SBF2: variants seen among roughly 807,000 people sequenced by gnomAD.
SBF2 encodes the protein myotubularin-related protein 13.
Under a neutral mutation model 225.2 loss-of-function variants are expected in SBF2, and 112 were observed. That is an observed-to-expected ratio of 0.50 (90% CI 0.43 to 0.58). SBF2 has a LOEUF of 0.58. SBF2 is among the 20% of genes least tolerant of loss of function. The pLI is 0.00. For synonymous variants in SBF2, 763 were observed against 773.3 expected, an observed-to-expected ratio of 0.99 and a Z score of 0.22; for missense variants, 1,996 against 2,206.2, an observed-to-expected ratio of 0.90 and a Z score of 1.91.
chr11:9,967,881 C>T (rs993327204), intron 14 of SBF2, among the ~76,000 whole-genome samples: 2 of 151,646 alleles, frequency 1.3e-5, no homozygotes, highest in Non-Finnish European at 2.9e-5. Context: ...CACCATTGTA[C>T]TCCAGCCTGG....
intron 29 of SBF2, among the ~76,000 whole-genome samples, chr11:9,813,490 G>A (rs1361674276): frequency 1.3e-5 from 2 of 152,198 alleles, no homozygotes; most frequent in East Asian, 3.9e-4. Context: ...ACCATACCCA[G>A]TTAATTTTTG....
At chr11:10,184,278 C>T (rs183561111) in intron 2 of SBF2, among the ~76,000 whole-genome samples, 257 of 152,224 alleles carry the variant, frequency 1.7e-3, no homozygotes, top group Non-Finnish European at 2.9e-3. Flanking sequence ...TAAGCTAATA[C>T]CATACTGTCT....
intron 16 of SBF2, among the ~76,000 whole-genome samples, chr11:9,939,393 G>T (rs989418525): frequency 2.0e-5 from 3 of 152,146 alleles, no homozygotes; most frequent in African/African-American, 7.2e-5. Flanking sequence ...ACTGCGCCCG[G>T]CCTAAACATG....
At position 9,972,300 on chromosome 11, in the gene SBF2, T is replaced by A. The variant is rs374011926; in HGVS notation, c.1396-3755A>T. 3.9e-5 allele frequency among the ~76,000 whole-genome samples: 6 copies of A among 152,288 alleles called. No homozygotes were observed. The East Asian group carries it at 1.2e-3, about 29-fold the overall frequency. Reference sequence around the variant, plus strand: ...ACCACCCCAGAATGAATCTAAAGGCTGTTTTCCAAAAATTTTGGCTACATT... The same window carrying A: ...ACCACCCCAGAATGAATCTAAAGGCAGTTTTCCAAAAATTTTGGCTACATT... On this transcript the variant is annotated intron_variant, in intron 13 of 39. Transcript: ENST00000256190.
intron 6 of SBF2, among the ~76,000 whole-genome samples, chr11:10,008,682 C>T (rs1948306148): frequency 6.6e-6 from 1 of 152,212 alleles, no homozygotes; most frequent in African/African-American, 2.4e-5. Context: ...GCCCCCTCCA[C>T]CACAAGCTTG....
At chr11:10,133,912 T>C (rs149266238) in intron 2 of SBF2, among the ~76,000 whole-genome samples, 9 of 152,354 alleles carry the variant, frequency 5.9e-5, no homozygotes, top group Admixed American at 2.0e-4. Flanking sequence ...TTGACCTTGG[T>C]TCCTGACACA....
At chr11:9,979,199 A>T (rs1346901790) in intron 13 of SBF2, among the ~76,000 whole-genome samples, 1 of 152,176 alleles carries the variant, frequency 6.6e-6, no homozygotes, top group Non-Finnish European at 1.5e-5. Flanking sequence ...GGATAATGAC[A>T]CCTGCCTTAC....
chr11:10,108,391 CAGA>C (rs1425999755), intron 2 of SBF2, among the ~76,000 whole-genome samples: 3 of 151,954 alleles, frequency 2.0e-5, no homozygotes, highest in Non-Finnish European at 4.4e-5. Context: ...AGCACTAATT[CAGA>C]GTTCCCTGTG....
intron 13 of SBF2, among the ~76,000 whole-genome samples, chr11:9,977,185 A>T (rs1946734184): frequency 6.6e-6 from 1 of 152,104 alleles, no homozygotes; most frequent in Non-Finnish European, 1.5e-5. Context: ...TTATATGTGC[A>T]TATCAAGAAT....
intron 2 of SBF2, among the ~76,000 whole-genome samples, chr11:10,185,651 G>A (rs942458557): frequency 2.6e-5 from 4 of 151,116 alleles, no homozygotes; most frequent in African/African-American, 9.7e-5. Flanking sequence ...AATAATAATG[G>A]GCATGCAATA....
chr11:9,787,641 G>A lies in SBF2; in HGVS notation c.5030C>T (p.Thr1677Ile), dbSNP rs760027294. Residue 1677 changes from threonine to isoleucine, a missense_variant, in exon 36 of 40, where the codon ACA (threonine) becomes ATA (isoleucine). Thr to Ile is a moderately conservative substitution (Grantham distance 89). Transcript: ENST00000256190. ...VTVDLKEEPR[T>I]DRSQRHLSRS... ...GGGGCATTGCCAACTCACGCGATCT[G>A]TTCTTGGTTCTTCTTTAAGGTCCAC... The A allele has an allele frequency of 1.2e-6, 2 of 1,613,974 alleles. No homozygotes were observed. The highest frequency in any genetic ancestry group is 1.7e-6 in the Non-Finnish European group (2 of 1,179,856).
intron 17 of SBF2, among the ~76,000 whole-genome samples, chr11:9,868,442 C>T (rs542617537): frequency 9.8e-4 from 148 of 151,078 alleles, no homozygotes; most frequent in African/African-American, 3.0e-3. Context: ...GGCATGAACC[C>T]GGGAGGCGGA....
At chr11:9,844,233 C>T (rs1405418990) in intron 24 of SBF2, among the ~76,000 whole-genome samples, 1 of 152,144 alleles carries the variant, frequency 6.6e-6, no homozygotes, top group Non-Finnish European at 1.5e-5. Context: ...CTGGATATTA[C>T]CTGGTAAGCA....
chr11:10,256,718 C>T (rs1291217477), intron 1 of SBF2, among the ~76,000 whole-genome samples: 3 of 152,156 alleles, frequency 2.0e-5, no homozygotes, highest in Non-Finnish European at 2.9e-5. Context: ...CCCCTATACA[C>T]AATACTCCTT....
chr11:10,230,652 G>C (rs1958802044), intron 1 of SBF2, among the ~76,000 whole-genome samples: 1 of 152,148 alleles, frequency 6.6e-6, no homozygotes, highest in African/African-American at 2.4e-5. Context: ...AGTTTCTTTT[G>C]GCTTGTAGAG....
chr11:9,971,471 G>A (rs1009979217), intron 13 of SBF2, among the ~76,000 whole-genome samples: 1 of 151,976 alleles, frequency 6.6e-6, no homozygotes, highest in African/African-American at 2.4e-5. Context: ...TTTAGTCCAG[G>A]AGTTCAAGAC....
At chr11:10,109,324 G>A (rs1464769330) in intron 2 of SBF2, among the ~76,000 whole-genome samples, 1 of 152,164 alleles carries the variant, frequency 6.6e-6, no homozygotes, top group African/African-American at 2.4e-5. Context: ...TTTAATGAGG[G>A]AGATTTATTA....
rs1293686902 is a variant in SBF2, at chr11:9,795,910, T to C, written c.4491A>G (p.Leu1497=). 13 of 1,613,686 alleles carry C rather than the reference T, an allele frequency of 8.1e-6. No homozygotes were observed. The East Asian group carries it at 2.7e-4, about 33-fold the overall frequency. Residue 1497 remains leucine (L), a synonymous_variant, in exon 33 of 40, where the codon TTA becomes TTG. Transcript: ENST00000256190. ...PTEFEFNLYY[L]KFLAFHYVSN... is the part of the protein sequence containing the mutation. Reference sequence around the variant, plus strand: ...ACACATAGTGGAAAGCCAAGAACTTTAAGTAATAGAGATTGAATTCAAACT... The same window carrying C: ...ACACATAGTGGAAAGCCAAGAACTTCAAGTAATAGAGATTGAATTCAAACT...
chr11:9,828,327 A>G (rs1018871572), intron 28 of SBF2: 2 of 1,204,512 alleles, frequency 1.7e-6, no homozygotes, highest in African/African-American at 3.2e-5. Flanking sequence ...GCTGCCAAAC[A>G]TTGTACTTTT....
Sources: gnomAD v4.1 joint callset for allele counts (sites outside exome capture counted in the v4.1 genomes callset) on GRCh38, gnomAD v4.1.1 for gene constraint, MANE v1.5 for transcripts, NCBI Gene and HGNC (gene_info 2026-07-23, HGNC 2026-07-21) for gene names.